Variants in IL7 observed in about 807,000 individuals in gnomAD.
IL7 encodes interleukin 7.
IL7 carries 3 observed loss-of-function variants against 21.6 expected under a neutral mutation model. That is an observed-to-expected ratio of 0.14 (90% CI 0.06 to 0.36). The LOEUF (loss-of-function observed/expected upper bound fraction) is 0.36. IL7 is among the 10% of genes least tolerant of loss of function. The pLI is 1.00. For synonymous variants in IL7, 62 were observed against 68.1 expected (o/e 0.91, Z 0.44); for missense variants, 175 against 200.2 (o/e 0.87, Z 0.76).
chr8:78,732,587 A>G (rs1273511222), downstream of IL7, among the ~76,000 whole-genome samples: 1 of 152,168 alleles, frequency 6.6e-6, no homozygotes, highest in Non-Finnish European at 1.5e-5. Flanking sequence ...GACTGCAGAC[A>G]TTTCCAGACA....
In IL7 at chr8:78,695,648, T is replaced by TTC. The variant is rs980221497; in HGVS notation, n.215-9703_215-9702dup. Among the ~76,000 whole-genome samples the TTC allele has an allele frequency of 8.5e-5, 13 of 152,172 alleles. No individual in the cohort carries two copies. In the East Asian group the frequency reaches 2.1e-3, roughly 25 times the overall value. On this transcript the variant is annotated intron_variant and non_coding_transcript_variant, in intron 3 of 4. Coordinates refer to the IL7 transcript ENST00000523959. ...TTTAAGTCTTTTCTAATGTCTGTCT[T>TTC]TCTCTCTCTATATATATATAGTGGC...
chr8:78,710,198 G>A (rs1810909495), intron 3 of IL7, among the ~76,000 whole-genome samples: 1 of 152,036 alleles, frequency 6.6e-6, no homozygotes, highest in Admixed American at 6.6e-5. Context: ...TAGCCTAATG[G>A]CAACTTAGAA....
intron 3 of IL7, among the ~76,000 whole-genome samples, chr8:78,688,460 A>G (rs1242943329): frequency 1.3e-5 from 2 of 152,200 alleles, no homozygotes; most frequent in African/African-American, 4.8e-5. Flanking sequence ...ACTCTGTATC[A>G]AAAAAGTAAA....
chr8:78,685,591 A>G (rs1220366897), intron 4 of IL7, among the ~76,000 whole-genome samples: 1 of 152,210 alleles, frequency 6.6e-6, no homozygotes, highest in Non-Finnish European at 1.5e-5. Flanking sequence ...CAATAACTCA[A>G]CAAATAAGTT....
intron 2 of IL7, among the ~76,000 whole-genome samples, chr8:78,745,022 T>A (rs1811930706): frequency 6.6e-6 from 1 of 152,224 alleles, no homozygotes; most frequent in Admixed American, 6.5e-5. Context: ...TACTTGGATG[T>A]TTCAGTGGAA....
At chr8:78,719,029 G>C (rs1048778392) in exon 6 of IL7, 1 of 151,700 alleles carries the variant, frequency 6.6e-6, no homozygotes, top group African/African-American at 2.4e-5. Context: ...CTGATTAGTT[G>C]TTAATTTTTT....
rs1385890837 is a variant in IL7, at chr8:78,798,157, G to T, written c.62C>A (p.Pro21Gln). ...AATATCACAATCAGATGATGCTACTGGCAACAGAACAAGGATCAGGGGAGG... is the reference window on the plus strand; with the variant it reads ...AATATCACAATCAGATGATGCTACTTGCAACAGAACAAGGATCAGGGGAGG... ...GLPPLILVLL[P>Q]VASSDCDIEG... is the part of the protein sequence containing the mutation. The change falls in exon 2 of 6, where the codon CCA (proline) becomes CAA (glutamine). Residue 21 changes from proline (P) to glutamine (Q), a missense_variant. Pro to Gln is a moderately conservative substitution (Grantham distance 76). Coordinates refer to ENST00000263851, the MANE Select transcript of IL7 (RefSeq NM_000880.4). The T allele has an allele frequency of 6.2e-7, 1 of 1,611,012 alleles. No individual in the cohort carries two copies. The highest frequency in any genetic ancestry group is 1.7e-5 in the Admixed American group (1 of 59,886).
At chr8:78,681,218 C>G (rs1406905576) in intron 4 of IL7, among the ~76,000 whole-genome samples, 1 of 151,926 alleles carries the variant, frequency 6.6e-6, no homozygotes, top group East Asian at 1.9e-4. Context: ...CTGGGCCTCT[C>G]CTCCCTAAAA....
At chr8:78,750,577 A>C (rs1162170399) in intron 2 of IL7, among the ~76,000 whole-genome samples, 1 of 152,210 alleles carries the variant, frequency 6.6e-6, no homozygotes, top group Non-Finnish European at 1.5e-5. Flanking sequence ...TAATCCCAGC[A>C]CTTTGAGAGG....
intron 6 of IL7, chr8:78,718,453 G>A (rs951939590): frequency 2.0e-5 from 3 of 151,784 alleles, no homozygotes; most frequent in African/African-American, 7.2e-5. Flanking sequence ...CATAATAGTT[G>A]TGGTAACTAA....
At position 78,764,716 on chromosome 8, in the gene IL7, G is replaced by A. The variant is rs10108904; in HGVS notation, c.148-24634C>T. Among the ~76,000 whole-genome samples, 1,391 of 152,124 alleles carry A rather than the reference G, an allele frequency of 9.1e-3. 19 individuals carry two copies. The highest frequency in any genetic ancestry group is 0.032 in the African/African-American group (1,334 of 41,532). The stretch of plus-strand genomic sequence containing the variant: ...TAAATGGAGAGATATTCCAGGTCAT[G>A]GGTAGAAAGACTCAATATTGTCATG... On this transcript the variant is annotated intron_variant, in intron 2 of 5. Coordinates refer to ENST00000263851, the MANE Select transcript of IL7 (RefSeq NM_000880.4).
intron 3 of IL7, among the ~76,000 whole-genome samples, chr8:78,705,640 G>C (rs1226742419): frequency 1.3e-5 from 2 of 152,022 alleles, no homozygotes; most frequent in African/African-American, 4.8e-5. Flanking sequence ...TCCACCTCTG[G>C]GTCGGCATGG....
chr8:78,805,018 G>C lies in IL7; in HGVS notation c.-96C>G, dbSNP rs1377177105. 7.9e-6 allele frequency: 11 copies of C among 1,390,724 alleles called. No homozygotes were observed. Among genetic ancestry groups the C allele is most frequent in the Non-Finnish European group, 1.1e-5 (11 of 1,010,468 alleles). The allele number at this position is 1,390,724 out of a possible 1,614,324, so 86.1% of individuals were successfully genotyped here. A position where few individuals can be genotyped will look rare whatever the true frequency, so the allele number is the denominator to read the frequency against. On this transcript the variant is annotated 5_prime_UTR_variant, in exon 1 of 6. Coordinates refer to ENST00000263851, the MANE Select transcript of IL7 (RefSeq NM_000880.4). ...CACTCCCAGGACCCTGGTCTTCCGC[G>C]GAGTTGCCGAGTCTGTGTTGGGCAG...
In IL7 at chr8:78,740,225, A is replaced by G. The variant is rs1586057726; in HGVS notation, c.148-143T>C. ...TAAGTTTTGCCTGGCTCAGCTGACT[A>G]AGCATGAGGAATCATTTTCTATAGT... On this transcript the variant is annotated intron_variant, in intron 2 of 5. Coordinates refer to ENST00000263851, the MANE Select transcript of IL7 (RefSeq NM_000880.4). The G allele has an allele frequency of 7.7e-6, 3 of 387,782 alleles. No homozygotes were observed. The East Asian group carries it at 1.5e-4, about 20-fold the overall frequency. 24.0% of individuals were successfully genotyped at this position (387,782 alleles called of 1,614,324 possible). A position where few individuals can be genotyped will look rare whatever the true frequency, so the allele number is the denominator to read the frequency against.
At chr8:78,709,887 G>C (rs759782167) in intron 3 of IL7, among the ~76,000 whole-genome samples, 2 of 151,956 alleles carry the variant, frequency 1.3e-5, no homozygotes, top group Non-Finnish European at 2.9e-5. Context: ...AATACCATCC[G>C]GTAAATTCTT....
At chr8:78,705,476 C>CA (rs1282157143) in intron 3 of IL7, among the ~76,000 whole-genome samples, 3 of 152,168 alleles carry the variant, frequency 2.0e-5, no homozygotes, top group African/African-American at 7.2e-5. Flanking sequence ...AGGGATGCCT[C>CA]AAACCTCTGT....
intron 3 of IL7, among the ~76,000 whole-genome samples, chr8:78,687,450 A>ATTATG (rs1284374343): frequency 1.4e-5 from 2 of 146,550 alleles, no homozygotes; most frequent in African/African-American, 5.0e-5. Context: ...GCCATAGACT[A>ATTATG]TATATACATA....
downstream of IL7, among the ~76,000 whole-genome samples, chr8:78,714,093 G>T (rs954917675): frequency 6.6e-6 from 1 of 152,056 alleles, no homozygotes; most frequent in African/African-American, 2.4e-5. Context: ...AAAGTATTCT[G>T]CTGTTCATAT....
chr8:78,716,509 A>G (rs188978424), downstream of IL7, among the ~76,000 whole-genome samples: 198 of 152,260 alleles, frequency 1.3e-3, no homozygotes, highest in Middle Eastern at 3.4e-3. Context: ...ATAATTTAAT[A>G]TCATTAAATA....
Sources: gnomAD v4.1 joint callset for allele counts (sites outside exome capture counted in the v4.1 genomes callset) on GRCh38, gnomAD v4.1.1 for gene constraint, MANE v1.5 for transcripts, NCBI Gene and HGNC (gene_info 2026-07-23, HGNC 2026-07-21) for gene names.